Variants in TENM3 observed in about 807,000 individuals in gnomAD.
TENM3 encodes the protein teneurin-3.
TENM3 carries 63 observed loss-of-function variants against 255.1 expected under a neutral mutation model. The observed-to-expected ratio is 0.25, with a 90% CI of 0.20 to 0.30. The LOEUF (loss-of-function observed/expected upper bound fraction) is 0.30. Among genes scored for constraint, TENM3 ranks in the 10% least tolerant of loss-of-function variants. The probability of loss-of-function intolerance (pLI) is 1.00; values close to 1 mark genes in which losing one functional copy is unlikely to be tolerated. For missense variants in TENM3, 2,929 were observed against 3,461.1 expected (o/e 0.85, Z 3.86); for synonymous variants, 1,306 against 1,322.3 (o/e 0.99, Z 0.27).
chr4:181,839,368 T>C, the TENM3 span, among the ~76,000 whole-genome samples: 77 of 74,140 alleles, frequency 1.0e-3, no homozygotes, highest in African/African-American at 3.2e-3. Context: ...TATATATATA[T>C]ATATATATAT....
At chr4:181,492,117 A>T in the TENM3 span, among the ~76,000 whole-genome samples, 1 of 152,216 alleles carries the variant, frequency 6.6e-6, no homozygotes, top group African/African-American at 2.4e-5. Context: ...ATGTTTAGAC[A>T]GTCATCAATA....
intron 1 of TENM3, among the ~76,000 whole-genome samples, chr4:182,265,622 C>T (rs762115734): frequency 2.6e-5 from 4 of 152,156 alleles, no homozygotes; most frequent in South Asian, 2.1e-4. Context: ...GTTCCTCCAA[C>T]GGCTCCACCC....
chr4:182,267,916 G>A (rs1240055039), intron 1 of TENM3, among the ~76,000 whole-genome samples: 1 of 152,130 alleles, frequency 6.6e-6, no homozygotes, highest in Non-Finnish European at 1.5e-5. Flanking sequence ...TTGTTTTTAA[G>A]TTTATTTCTG....
intron 1 of TENM3, among the ~76,000 whole-genome samples, chr4:182,316,533 G>A (rs1156849974): frequency 6.6e-6 from 1 of 151,980 alleles, no homozygotes; most frequent in African/African-American, 2.4e-5. Context: ...GGCTGCTCCT[G>A]GCATCTAGTG....
the TENM3 span, among the ~76,000 whole-genome samples, chr4:181,532,722 A>G: frequency 7.8e-4 from 119 of 152,298 alleles, no homozygotes; most frequent in Non-Finnish European, 1.1e-3. Flanking sequence ...AGGAGAGGAC[A>G]TTTCTATTTT....
At chr4:182,700,585 A>G (rs1757773647) in intron 12 of TENM3, among the ~76,000 whole-genome samples, 2 of 152,164 alleles carry the variant, frequency 1.3e-5, no homozygotes, top group African/African-American at 2.4e-5. Context: ...TGCCTCTTTA[A>G]TGAAGCTGGA....
chr4:181,880,080 A>G, the TENM3 span, among the ~76,000 whole-genome samples: 1 of 152,098 alleles, frequency 6.6e-6, no homozygotes, highest in African/African-American at 2.4e-5. Context: ...ATGAGACTTC[A>G]TAATATTATT....
At chr4:181,552,474 C>T in the TENM3 span, among the ~76,000 whole-genome samples, 4 of 152,304 alleles carry the variant, frequency 2.6e-5, no homozygotes, top group East Asian at 7.7e-4. Context: ...GTTCTAATCC[C>T]TGATTCAGAA....
chr4:181,948,008 A>T, the TENM3 span, among the ~76,000 whole-genome samples: 2 of 152,232 alleles, frequency 1.3e-5, no homozygotes, highest in Non-Finnish European at 2.9e-5. Context: ...AGGGGAAAAA[A>T]AAATAAATTC....
the TENM3 span, among the ~76,000 whole-genome samples, chr4:181,514,920 C>A: frequency 8.5e-5 from 13 of 152,186 alleles, no homozygotes; most frequent in Admixed American, 2.0e-4. Flanking sequence ...ACTTGTGAGA[C>A]AGGTCTTGGT....
chr4:181,846,835 C>G, the TENM3 span, among the ~76,000 whole-genome samples: 1 of 152,210 alleles, frequency 6.6e-6, no homozygotes, highest in Non-Finnish European at 1.5e-5. Context: ...ACAACTACCA[C>G]AGGTTGATTC....
the TENM3 span, among the ~76,000 whole-genome samples, chr4:182,031,688 G>T: frequency 1.3e-5 from 2 of 152,136 alleles, no homozygotes; most frequent in Non-Finnish European, 2.9e-5. Flanking sequence ...CCATGAAGAT[G>T]GAATGTTTTT....
At chr4:181,587,811 A>T in the TENM3 span, among the ~76,000 whole-genome samples, 1 of 152,204 alleles carries the variant, frequency 6.6e-6, no homozygotes, top group Non-Finnish European at 1.5e-5. Flanking sequence ...CCTAAATAGC[A>T]TTCATTCTTC....
chr4:182,140,916 T>A (rs1749358782), upstream of TENM3, among the ~76,000 whole-genome samples: 2 of 152,120 alleles, frequency 1.3e-5, no homozygotes, highest in Admixed American at 1.3e-4. Context: ...GCTGTTGGCC[T>A]TGCCTCAGTA....
chr4:182,337,393 T>G (rs1764210848), intron 2 of TENM3, among the ~76,000 whole-genome samples: 1 of 152,110 alleles, frequency 6.6e-6, no homozygotes, highest in Non-Finnish European at 1.5e-5. Context: ...AAACTTTTAA[T>G]AGAAACATCA....
chr4:182,504,269 T>A (rs888651150), intron 3 of TENM3, among the ~76,000 whole-genome samples: 1 of 152,114 alleles, frequency 6.6e-6, no homozygotes, highest in Non-Finnish European at 1.5e-5. Flanking sequence ...ATACCTTCAC[T>A]ATTATTAAAG....
chr4:181,870,521 A>G, the TENM3 span, among the ~76,000 whole-genome samples: 30 of 152,110 alleles, frequency 2.0e-4, no homozygotes, highest in Non-Finnish European at 1.0e-4. Flanking sequence ...TTTAGTTTAC[A>G]TTATCCTTAT....
chr4:182,586,581 C>A (rs529977838), intron 3 of TENM3, among the ~76,000 whole-genome samples: 1 of 152,300 alleles, frequency 6.6e-6, no homozygotes, highest in South Asian at 2.1e-4. Flanking sequence ...ATCTATGATT[C>A]TATTTTCCTT....
At position 182,349,767 on chromosome 4, in the gene TENM3, A is replaced by G. The variant is rs980525151; in HGVS notation, c.511+2838A>G. On this transcript the variant is annotated intron_variant, in intron 3 of 27. Coordinates refer to ENST00000511685, the MANE Select transcript of TENM3 (RefSeq NM_001080477.4). ...TTTAATTGCTCTAACTTAAAAAGCT[A>G]TAGATTTTCTGGTTATATTTTCTTT... 13 of 285,282 alleles carry G rather than the reference A, an allele frequency of 4.6e-5. No individual in the cohort carries two copies. In the East Asian group the frequency reaches 8.7e-4, roughly 19 times the overall value. 17.7% of individuals were successfully genotyped at this position (285,282 alleles called of 1,614,324 possible). A position where few individuals can be genotyped will look rare whatever the true frequency, so the allele number is the denominator to read the frequency against.
Sources: gnomAD v4.1 joint callset for allele counts (sites outside exome capture counted in the v4.1 genomes callset) on GRCh38, gnomAD v4.1.1 for gene constraint, MANE v1.5 for transcripts, NCBI Gene and HGNC (gene_info 2026-07-23, HGNC 2026-07-21) for gene names.